RASAL2: variants seen among roughly 807,000 people sequenced by gnomAD.
The protein encoded by RASAL2 is ras GTPase-activating protein nGAP.
A neutral mutation model predicts 128.9 loss-of-function variants in RASAL2; 58 were observed. The ratio of observed to expected loss-of-function variants is 0.45; its 90% CI spans 0.36 to 0.56. The LOEUF (loss-of-function observed/expected upper bound fraction) is 0.56. Ranked by LOEUF, RASAL2 falls within the 20% of genes least tolerant of loss-of-function variation. The pLI, the probability that RASAL2 is intolerant of heterozygous loss-of-function variation, is 0.00. For missense variants in RASAL2, 1,360 were observed against 1,601.6 expected, an observed-to-expected ratio of 0.85 and a Z score of 2.57; for synonymous variants, 561 against 580.8, an observed-to-expected ratio of 0.97 and a Z score of 0.49.
At chr1:178,185,189 C>G (rs2101936809) in intron 1 of RASAL2, among the ~76,000 whole-genome samples, 1 of 151,194 alleles carries the variant, frequency 6.6e-6, no homozygotes, top group East Asian at 1.9e-4. Flanking sequence ...GCTTATTAAC[C>G]TTGTATCCTG....
At chr1:178,227,743 G>A (rs1305756439) in intron 1 of RASAL2, among the ~76,000 whole-genome samples, 1 of 152,194 alleles carries the variant, frequency 6.6e-6, no homozygotes, top group East Asian at 1.9e-4. Flanking sequence ...GATTCTTAAA[G>A]CTGTGCTTTA....
intron 2 of RASAL2, among the ~76,000 whole-genome samples, chr1:178,290,829 C>A (rs1667248374): frequency 6.6e-6 from 1 of 152,016 alleles, no homozygotes; most frequent in South Asian, 2.1e-4. Context: ...GCGCCCACCA[C>A]CACGCACGGC....
At chr1:178,293,152 A>G (rs773013954) in intron 2 of RASAL2, among the ~76,000 whole-genome samples, 47 of 152,238 alleles carry the variant, frequency 3.1e-4, no homozygotes, top group Non-Finnish European at 6.5e-4. Context: ...ACAAAGCACA[A>G]GACAGATCTT....
chr1:178,307,167 C>T (rs530169635), intron 3 of RASAL2, among the ~76,000 whole-genome samples: 5 of 151,914 alleles, frequency 3.3e-5, no homozygotes, highest in Non-Finnish European at 5.9e-5. Flanking sequence ...TACACATCAA[C>T]GTATTATGAG....
At chr1:178,454,815 A>G (rs551938839) in intron 12 of RASAL2, among the ~76,000 whole-genome samples, 167 bp downstream of exon 12, 87 of 152,312 alleles carry the variant, frequency 5.7e-4, no homozygotes, top group African/African-American at 2.0e-3. Flanking sequence ...ATCGACAACC[A>G]TGAAACTCTA....
intron 3 of RASAL2, among the ~76,000 whole-genome samples, chr1:178,380,662 TA>T (rs1258261330): frequency 6.6e-6 from 1 of 152,224 alleles, no homozygotes; most frequent in African/African-American, 2.4e-5. Context: ...TATTATCTTT[TA>T]TTCTATCTTA....
intron 1 of RASAL2, among the ~76,000 whole-genome samples, chr1:178,133,528 T>A (rs1321254030): frequency 6.6e-6 from 1 of 151,310 alleles, no homozygotes; most frequent in Non-Finnish European, 1.5e-5. Context: ...CGGTAAGGAG[T>A]TGGGGAATGT....
intron 1 of RASAL2, among the ~76,000 whole-genome samples, chr1:178,135,052 G>A (rs1660266642): frequency 6.6e-6 from 1 of 152,178 alleles, no homozygotes; most frequent in African/African-American, 2.4e-5. Flanking sequence ...TAGTGCTCTT[G>A]CTCATTCTTC....
In RASAL2 at chr1:178,427,838, A is replaced by G. The variant is rs146098235; in HGVS notation, c.674+7218A>G. Among the ~76,000 whole-genome samples the G allele has an allele frequency of 6.0e-3, 910 of 152,224 alleles. 12 individuals are homozygous for G. The highest frequency in any genetic ancestry group is 7.3e-3 in the Non-Finnish European group (496 of 68,016). ...TCCAATTTAATCATATGTATAGATT[A>G]GTGTAACTACTACCATGATCAAGAT... is the stretch of plus-strand genomic sequence containing the variant. On this transcript the variant is annotated intron_variant, in intron 5 of 17. Coordinates refer to ENST00000367649, the MANE Select transcript of RASAL2 (RefSeq NM_170692.4).
At position 178,451,600 on chromosome 1, in the gene RASAL2, G is replaced by C; in HGVS notation, c.1657G>C (p.Asp553His). ...GEFIKALYES[D>H]ENCEVDPSKC... ...GTTTATCAAAGCTTTGTATGAGTCC[G>C]ATGAGAACTGTGAAGTGGATCCCAG... Residue 553 changes from aspartate (D) to histidine (H), a missense_variant, in exon 10 of 18, where the codon GAT (aspartate) becomes CAT (histidine). Physicochemically the swap from Asp to His is moderately conservative, Grantham distance 81. Around this residue, in one of 3 missense-constraint regions of RASAL2, gnomAD observed 617 missense variants for 714.2 expected, o/e 0.86. Transcript: ENST00000367649. 1 of 1,613,672 alleles carries C rather than the reference G, an allele frequency of 6.2e-7. No individual in the cohort carries two copies. The highest frequency in any genetic ancestry group is 8.5e-7 in the Non-Finnish European group (1 of 1,179,728).
chr1:178,447,391 A>C (rs1308838345), intron 9 of RASAL2, among the ~76,000 whole-genome samples: 5 of 151,954 alleles, frequency 3.3e-5, no homozygotes, highest in Non-Finnish European at 5.9e-5. Flanking sequence ...AAGCCATTGT[A>C]GGCTGGGCGC....
intron 9 of RASAL2, among the ~76,000 whole-genome samples, chr1:178,450,987 A>G (rs1377878627): frequency 6.6e-6 from 1 of 152,196 alleles, no homozygotes; most frequent in Non-Finnish European, 1.5e-5. Flanking sequence ...CATAGGCCGT[A>G]TGAACACGGC....
At chr1:178,175,889 G>A (rs955446226) in intron 1 of RASAL2, among the ~76,000 whole-genome samples, 2 of 151,996 alleles carry the variant, frequency 1.3e-5, no homozygotes, top group East Asian at 1.9e-4. Context: ...TGTTGTTGTC[G>A]TTGTTTTAAT....
chr1:178,227,705 A>G (rs1049596441), intron 1 of RASAL2, among the ~76,000 whole-genome samples: 3 of 152,252 alleles, frequency 2.0e-5, no homozygotes, highest in African/African-American at 7.2e-5. Context: ...AGAGAATTTA[A>G]ATGTCATTTT....
chr1:178,285,536 C>T (rs1666989160), intron 2 of RASAL2, among the ~76,000 whole-genome samples: 1 of 152,098 alleles, frequency 6.6e-6, no homozygotes, highest in Admixed American at 6.5e-5. Context: ...ACCTGTAACC[C>T]TTTTCCAGCA....
chr1:178,334,445 T>C (rs1460152378), intron 3 of RASAL2, among the ~76,000 whole-genome samples: 1 of 151,964 alleles, frequency 6.6e-6, no homozygotes, highest in Non-Finnish European at 1.5e-5. Context: ...TTCAAGCCAT[T>C]CTCCTGCCTC....
chr1:178,421,273 A>T (rs1675124964), intron 5 of RASAL2, among the ~76,000 whole-genome samples: 2 of 152,124 alleles, frequency 1.3e-5, no homozygotes, highest in Admixed American at 6.6e-5. Context: ...GGATTTCCAT[A>T]ATTAGGACTA....
At chr1:178,452,297 A>G in intron 10 of RASAL2, 119 bp from the exon 11 acceptor site, 1 of 837,878 alleles carries the variant, frequency 1.2e-6, no homozygotes, top group Non-Finnish European at 2.0e-6. Context: ...CGGAATTTCT[A>G]CTAGGTCCTC....
At chr1:178,301,959 T>C (rs995927784) in intron 3 of RASAL2, among the ~76,000 whole-genome samples, 1 of 152,164 alleles carries the variant, frequency 6.6e-6, no homozygotes, top group Admixed American at 6.5e-5. Flanking sequence ...GTCCTTATCT[T>C]TTGTGCTTAA....
Sources: gnomAD v4.1 joint callset for allele counts (sites outside exome capture counted in the v4.1 genomes callset) on GRCh38, gnomAD v4.1.1 for gene constraint, gnomAD v4.1.1 regional missense constraint, MANE v1.5 for transcripts, NCBI Gene and HGNC (gene_info 2026-07-23, HGNC 2026-07-21) for gene names.